Variants in RD3L observed in about 807,000 individuals in gnomAD.
RD3L encodes protein RD3-like.
A neutral mutation model predicts 12.5 loss-of-function variants in RD3L; 6 were observed. The observed-to-expected ratio is 0.48, with a 90% CI of 0.26 to 0.95. RD3L has a LOEUF of 0.95. Among genes scored for constraint, RD3L ranks in the 40% least tolerant of loss-of-function variants. The pLI is 0.14. For synonymous variants in RD3L, 87 were observed against 79.3 expected (o/e 1.10, Z -0.52); for missense variants, 234 against 228.6 (o/e 1.02, Z -0.15).
In RD3L at chr14:103,941,378, G is replaced by C. The variant is rs1213776760; in HGVS notation, c.299+19C>G. The C allele has an allele frequency of 1.3e-6, 2 of 1,511,386 alleles. No individual in the cohort carries two copies. Among genetic ancestry groups the C allele is most frequent in the Non-Finnish European group, 1.8e-6 (2 of 1,128,740 alleles). The allele number at this position is 1,511,386 out of a possible 1,614,324, so 93.6% of individuals were successfully genotyped here. On this transcript the variant is annotated intron_variant, in intron 2 of 2. Coordinates refer to ENST00000557640, the MANE Select transcript of RD3L (RefSeq NM_001257268.2). ...GACTTAGCAGTAGCAGGAATCATAA[G>C]AGAACATAGTATTTTTACCTGCTGA...
rs184676510 is a variant in RD3L, at chr14:103,941,417, T to C, written c.279A>G (p.Gln93=). The C allele has an allele frequency of 2.1e-4, 327 of 1,534,948 alleles. 2 individuals are homozygous for C. The East Asian group carries it at 5.9e-3, about 28-fold the overall frequency. ...EVLCSQVQPC[Q]TGTILSRFRE... ...TTTACCTGCTGAGAATAGTTCCAGT[T>C]TGGCAAGGTTGAACTTGTGAGCAAA... Residue 93 remains glutamine (Q), a synonymous_variant, in exon 2 of 3, where the codon CAA becomes CAG. Transcript: ENST00000557640.
chr14:103,941,575 G>C lies in RD3L; in HGVS notation c.121C>G (p.Arg41Gly). ...TCGATTTCTTGTATTAATCTCTCTC[G>C]CTCCTTTAGGTGCCATTTTAATTCC... ...LRELKWHLKE[R>G]ERLIQEIENE... Residue 41 changes from arginine to glycine, a missense_variant, in exon 2 of 3, where the codon CGA becomes GGA. Transcript: ENST00000557640. The C allele has an allele frequency of 1.3e-6, 2 of 1,534,860 alleles. No homozygotes were observed. Among genetic ancestry groups the C allele is most frequent in the Non-Finnish European group, 8.7e-7 (1 of 1,146,456 alleles).
Position 103,942,474 on chromosome 14 carries a change from A to C in RD3L, c.-390T>G, listed in dbSNP as rs1360458276. Among the ~76,000 whole-genome samples, 1 of 152,216 alleles carries C rather than the reference A, an allele frequency of 6.6e-6. No homozygotes were observed. Among genetic ancestry groups the C allele is most frequent in the African/African-American group, 2.4e-5 (1 of 41,464 alleles). ...CATTCCGACATGTCTTTGGTAGTGA[A>C]ACGAAGAATGGTCGTCTAAAGCACC... On this transcript the variant is annotated 5_prime_UTR_variant, in exon 1 of 3. Coordinates refer to ENST00000557640, the MANE Select transcript of RD3L (RefSeq NM_001257268.2).
chr14:103,941,765 G>A, intron 1 of RD3L, 63 bp from the exon 2 acceptor site: 1 of 1,231,418 alleles, frequency 8.1e-7, no homozygotes, highest in Non-Finnish European at 1.1e-6. Context: ...GCAAATATTT[G>A]TTTCTTTACA....
chr14:103,941,969 C>G, intron 1 of RD3L, 123 bp downstream of exon 1: 2 of 373,240 alleles, frequency 5.4e-6, no homozygotes, highest in South Asian at 1.0e-4. Flanking sequence ...GAATGATATC[C>G]GAAAATAACA....
chr14:103,940,582 A>G lies in RD3L; in HGVS notation c.*224T>C. On this transcript the variant is annotated 3_prime_UTR_variant, in exon 3 of 3. Transcript: ENST00000557640. ...TGAGGTATAAGAAAATACTGCAAAC[A>G]TTTTTTCAAAATACTTAGGAAACAT... The G allele has an allele frequency of 4.7e-6, 2 of 425,470 alleles. No individual in the cohort carries two copies. The highest frequency in any genetic ancestry group is 3.6e-5 in the East Asian group (1 of 27,902). The allele number at this position is 425,470 out of a possible 1,614,324, so 26.4% of individuals were successfully genotyped here. A position where few individuals can be genotyped will look rare whatever the true frequency, so the allele number is the denominator to read the frequency against.
intron 1 of RD3L, among the ~76,000 whole-genome samples, 183 bp downstream of exon 1, chr14:103,941,909 T>A (rs936763231): frequency 1.3e-5 from 2 of 152,216 alleles, no homozygotes; most frequent in Non-Finnish European, 2.9e-5. Context: ...AATGCTTTTA[T>A]GTAGCTTAGC....
intron 1 of RD3L, 125 bp downstream of exon 1, chr14:103,941,967 T>C (rs544389847): frequency 2.5e-6 from 1 of 393,914 alleles, no homozygotes; most frequent in South Asian, 4.5e-5. Flanking sequence ...CTGAATGATA[T>C]CCGAAAATAA....
At position 103,941,106 on chromosome 14, in the gene RD3L, A is replaced by G. The variant is rs1186024951; in HGVS notation, c.300-3T>C. The G allele has an allele frequency of 2.6e-6, 4 of 1,531,278 alleles. No individual in the cohort carries two copies. The highest frequency in any genetic ancestry group is 2.6e-6 in the Non-Finnish European group (3 of 1,143,632). The allele number at this position is 1,531,278 out of a possible 1,614,324, so 94.9% of individuals were successfully genotyped here. A position where few individuals can be genotyped will look rare whatever the true frequency, so the allele number is the denominator to read the frequency against. On this transcript the variant is annotated splice_polypyrimidine_tract_variant and splice_region_variant and intron_variant, in intron 2 of 2. Coordinates refer to ENST00000557640, the MANE Select transcript of RD3L (RefSeq NM_001257268.2). ...TTTCTGCCAAAACTTCTCGAAATCT[A>G]GAGGGGAAATGGTAATGAATATTCA...
rs2031208982 is a variant in RD3L, at chr14:103,941,188, A to G, written c.300-85T>C. On this transcript the variant is annotated intron_variant, in intron 2 of 2. Coordinates refer to ENST00000557640, the MANE Select transcript of RD3L (RefSeq NM_001257268.2). ...CTCCAAAATACAGCTTGAATAATGTATACAAGTTACCCACCTTTTGAGTAT... is the reference window on the plus strand; with the variant it reads ...CTCCAAAATACAGCTTGAATAATGTGTACAAGTTACCCACCTTTTGAGTAT... 8 of 1,130,692 alleles carry G rather than the reference A, an allele frequency of 7.1e-6. No individual in the cohort carries two copies. The South Asian group carries it at 8.2e-5, about 12-fold the overall frequency. 70.0% of individuals were successfully genotyped at this position (1,130,692 alleles called of 1,614,324 possible).
intron 1 of RD3L, among the ~76,000 whole-genome samples, 167 bp from the exon 2 acceptor site, chr14:103,941,869 C>T (rs1425496459): frequency 6.6e-6 from 1 of 152,088 alleles, no homozygotes; most frequent in African/African-American, 2.4e-5. Flanking sequence ...TAATTTTTAA[C>T]TAGGTCAGTG....
intron 2 of RD3L, 48 bp from the exon 3 acceptor site, chr14:103,941,151 A>C: frequency 7.3e-7 from 1 of 1,376,662 alleles, no homozygotes; most frequent in South Asian, 1.3e-5. Flanking sequence ...ATTTTTTGTT[A>C]TATCTCTTTA....
chr14:103,941,607 A>G lies in RD3L; in HGVS notation c.89T>C (p.Leu30Pro). 6.5e-7 allele frequency: 1 copy of G among 1,535,274 alleles called. No individual in the cohort carries two copies. Residue 30 changes from leucine to proline, a missense_variant, in exon 2 of 3, where the codon CTG (leucine) becomes CCG (proline). Physicochemically the swap from Leu to Pro is moderately conservative, Grantham distance 98 (BLOSUM62 -3). Coordinates refer to ENST00000557640, the MANE Select transcript of RD3L (RefSeq NM_001257268.2). ...TAGGTGCCATTTTAATTCCCGAAGC[A>G]GAGTCTTTGTCACTATGTCTGAGCC... The part of the protein sequence containing the change: ...YPGSDIVTKT[L>P]LRELKWHLKE...
intron 2 of RD3L, 99 bp from the exon 3 acceptor site, chr14:103,941,202 C>G (rs1595895517): frequency 9.5e-7 from 1 of 1,052,808 alleles, no homozygotes; most frequent in Non-Finnish European, 1.3e-6. Flanking sequence ...AAGTTACCCA[C>G]CTTTTGAGTA....
rs547372848 is a variant in RD3L at position 103,940,917 on chromosome 14, G to C, written c.486C>G (p.Asp162Glu). The change falls in exon 3 of 3, where the codon GAC becomes GAG. Residue 162 changes from aspartate (D) to glutamate (E), a missense_variant. Physicochemically the swap from Asp to Glu is conservative, Grantham distance 45 (BLOSUM62 2). Coordinates refer to ENST00000557640, the MANE Select transcript of RD3L (RefSeq NM_001257268.2). ...TGGAAATGGTGGGTATTTCATCTTTGTCTGCCCTCTTGGAGCTGTCACCTT... is the reference window on the plus strand; with the variant it reads ...TGGAAATGGTGGGTATTTCATCTTTCTCTGCCCTCTTGGAGCTGTCACCTT... ...VIQGDSSKRA[D>E]KDEIPTISSY... The C allele has an allele frequency of 6.5e-7, 1 of 1,535,384 alleles. No individual in the cohort carries two copies. Among genetic ancestry groups the C allele is most frequent in the Admixed American group, 2.0e-5 (1 of 50,998 alleles).
rs2031225490 is a variant in RD3L, at chr14:103,941,431, C to G, written c.265G>C (p.Val89Leu). The G allele has an allele frequency of 6.5e-7, 1 of 1,535,304 alleles. No homozygotes were observed. The highest frequency in any genetic ancestry group is 8.7e-7 in the Non-Finnish European group (1 of 1,146,666). The part of the protein sequence containing the change: ...QRQLEVLCSQ[V>L]QPCQTGTILS... Reference sequence around the variant, plus strand: ...ATAGTTCCAGTTTGGCAAGGTTGAACTTGTGAGCAAAGAACTTCAAGTTGT... The same window carrying G: ...ATAGTTCCAGTTTGGCAAGGTTGAAGTTGTGAGCAAAGAACTTCAAGTTGT... The change falls in exon 2 of 3, where the codon GTT becomes CTT. Residue 89 changes from valine to leucine, a missense_variant. Coordinates refer to ENST00000557640, the MANE Select transcript of RD3L (RefSeq NM_001257268.2).
chr14:103,941,402 G>A lies in RD3L; in HGVS notation c.294C>T (p.Leu98=). Residue 98 remains leucine (L), a synonymous_variant, in exon 2 of 3, where the codon CTC becomes CTT. Transcript: ENST00000557640. ...AGAGAACATAGTATTTTTACCTGCT[G>A]AGAATAGTTCCAGTTTGGCAAGGTT... ...QVQPCQTGTI[L]SRFREVLAEN... 6.5e-7 allele frequency: 1 copy of A among 1,533,486 alleles called. No homozygotes were observed. Among genetic ancestry groups the A allele is most frequent in the Non-Finnish European group, 8.7e-7 (1 of 1,145,420 alleles). The allele number at this position is 1,533,486 out of a possible 1,614,324, so 95.0% of individuals were successfully genotyped here. A position where few individuals can be genotyped will look rare whatever the true frequency, so the allele number is the denominator to read the frequency against.
In RD3L at chr14:103,940,959, A is replaced by C; in HGVS notation, c.444T>G (p.Ser148=). 6.5e-7 allele frequency: 1 copy of C among 1,535,466 alleles called. No individual in the cohort carries two copies. Among genetic ancestry groups the C allele is most frequent in the South Asian group, 1.2e-5 (1 of 84,058 alleles). Residue 148 remains serine (S), a synonymous_variant, in exon 3 of 3, where the codon TCT becomes TCG. Transcript: ENST00000557640. Reference sequence around the variant, plus strand: ...TGTCACCTTGGATCACAGAAGGAGCAGAGCAGTCCATGCTCCCTGAGTCCT... The same window carrying C: ...TGTCACCTTGGATCACAGAAGGAGCCGAGCAGTCCATGCTCCCTGAGTCCT... ...DLEDSGSMDC[S]APSVIQGDSS... is the part of the protein sequence containing the mutation.
chr14:103,941,195 T>C, intron 2 of RD3L, 92 bp from the exon 3 acceptor site: 1 of 1,069,996 alleles, frequency 9.3e-7, no homozygotes, highest in Non-Finnish European at 1.3e-6. Context: ...TGTATACAAG[T>C]TACCCACCTT....
Sources: gnomAD v4.1 joint callset for allele counts (sites outside exome capture counted in the v4.1 genomes callset) on GRCh38, gnomAD v4.1.1 for gene constraint, MANE v1.5 for transcripts, NCBI Gene and HGNC (gene_info 2026-07-23, HGNC 2026-07-21) for gene names.